The following DCC variants were observed in gnomAD, a reference collection of about 807,000 sequenced individuals.
The protein encoded by DCC is netrin receptor DCC.
DCC carries 58 observed loss-of-function variants against 172.5 expected under a neutral mutation model. The observed-to-expected ratio is 0.34, with a 90% CI of 0.27 to 0.42. The LOEUF (loss-of-function observed/expected upper bound fraction) is 0.42. Among genes scored for constraint, DCC ranks in the 10% least tolerant of loss-of-function variants. The pLI is 1.00. For synonymous variants in DCC, 709 were observed against 644.5 expected, an observed-to-expected ratio of 1.10 and a Z score of -1.52; for missense variants, 1,740 against 1,791.0, an observed-to-expected ratio of 0.97 and a Z score of 0.51.
intron 5 of DCC, among the ~76,000 whole-genome samples, chr18:53,047,931 GTA>G (rs2042279339): frequency 2.1e-5 from 3 of 144,234 alleles, no homozygotes; most frequent in South Asian, 4.4e-4. Context: ...GTGTGTGTGT[GTA>G]TAGTTTATGT....
chr18:52,610,161 AAAAAAAAAAAAAAAAAAATATATATATAT>A (rs1353886519), intron 1 of DCC, among the ~76,000 whole-genome samples: 9 of 15,280 alleles, frequency 5.9e-4, no homozygotes, highest in African/African-American at 2.6e-3. Flanking sequence ...TAAAAAAAAA[AAAAAAAAAAAAAAAAAAATATATATATAT>A]ATATATATAT....
intron 2 of DCC, among the ~76,000 whole-genome samples, chr18:52,845,609 T>C (rs1306361865): frequency 1.3e-5 from 2 of 152,214 alleles, no homozygotes; most frequent in African/African-American, 2.4e-5. Flanking sequence ...TCAGGGATCA[T>C]GCCCAAGTTC....
At chr18:52,722,669 A>G (rs1555652149) in intron 1 of DCC, among the ~76,000 whole-genome samples, 1 of 151,944 alleles carries the variant, frequency 6.6e-6, no homozygotes, top group Non-Finnish European at 1.5e-5. Context: ...GCATCTGTCC[A>G]TTTCTTCTTT....
At chr18:52,579,931 A>C (rs995183638) in intron 1 of DCC, among the ~76,000 whole-genome samples, 2 of 152,252 alleles carry the variant, frequency 1.3e-5, no homozygotes, top group Admixed American at 1.3e-4. Flanking sequence ...AAGAAGGGAA[A>C]ATTATGGAAA....
At chr18:52,356,657 A>C (rs1393760139) in intron 1 of DCC, among the ~76,000 whole-genome samples, 1 of 152,172 alleles carries the variant, frequency 6.6e-6, no homozygotes, top group Non-Finnish European at 1.5e-5. Context: ...TTCATCTCTC[A>C]ATACCTCTAT....
intron 5 of DCC, among the ~76,000 whole-genome samples, chr18:52,946,804 T>C (rs905506328): frequency 6.6e-5 from 10 of 152,208 alleles, no homozygotes; most frequent in African/African-American, 2.4e-4. Context: ...TTGTGATCAA[T>C]AATTTAATCC....
chr18:53,251,084 A>G (rs2056424868), intron 12 of DCC, among the ~76,000 whole-genome samples: 1 of 150,872 alleles, frequency 6.6e-6, no homozygotes, highest in African/African-American at 2.4e-5. Flanking sequence ...TTAAATGGAG[A>G]CTCCTTCGTC....
intron 1 of DCC, among the ~76,000 whole-genome samples, chr18:52,640,904 C>T (rs1342154617): frequency 6.6e-6 from 1 of 151,746 alleles, no homozygotes; most frequent in African/African-American, 2.4e-5. Flanking sequence ...GCCCACATAG[C>T]CAAAGCAACA....
intron 2 of DCC, among the ~76,000 whole-genome samples, chr18:52,877,256 T>G (rs1195158576): frequency 6.6e-6 from 1 of 152,132 alleles, no homozygotes; most frequent in African/African-American, 2.4e-5. Flanking sequence ...AAACACCTAT[T>G]ACAAGCCCGT....
At chr18:52,979,899 C>A (rs536932053) in intron 5 of DCC, among the ~76,000 whole-genome samples, 1 of 152,156 alleles carries the variant, frequency 6.6e-6, no homozygotes, top group Non-Finnish European at 1.5e-5. Context: ...ACTTAACAGG[C>A]GGAGTGGTTG....
intron 1 of DCC, among the ~76,000 whole-genome samples, chr18:52,511,982 C>T (rs527455503): frequency 4.6e-5 from 7 of 152,204 alleles, no homozygotes; most frequent in African/African-American, 1.7e-4. Context: ...ATGTGTAAAG[C>T]CTGCCTTTCC....
chr18:52,347,671 G>T (rs1983937288), intron 1 of DCC, among the ~76,000 whole-genome samples: 1 of 152,078 alleles, frequency 6.6e-6, no homozygotes, highest in Admixed American at 6.6e-5. Context: ...TAGGAGAGGA[G>T]ATTAGAAAAC....
At chr18:52,668,080 C>T (rs1440461190) in intron 1 of DCC, among the ~76,000 whole-genome samples, 1 of 151,516 alleles carries the variant, frequency 6.6e-6, no homozygotes, top group African/African-American at 2.4e-5. Flanking sequence ...GTGAGTCTGT[C>T]AAAGCAGGAG....
chr18:53,055,847 G>A (rs113155147), intron 5 of DCC, among the ~76,000 whole-genome samples: 2,068 of 152,128 alleles, frequency 0.014, 34 homozygotes, highest in African/African-American at 0.046. Flanking sequence ...AAAAAAGAGG[G>A]GAAGGAAGGA....
intron 8 of DCC, among the ~76,000 whole-genome samples, chr18:53,158,628 T>C (rs1477919830): frequency 2.0e-5 from 3 of 151,068 alleles, no homozygotes; most frequent in African/African-American, 7.4e-5. Flanking sequence ...TCCTTTGTAG[T>C]TGGCAGCAAG....
At chr18:53,379,659 AC>A in intron 15 of DCC, among the ~76,000 whole-genome samples, 1 of 152,322 alleles carries the variant, frequency 6.6e-6, no homozygotes, top group Admixed American at 6.5e-5. Context: ...TCTGTGATCA[AC>A]GAATGTGCAT....
intron 1 of DCC, among the ~76,000 whole-genome samples, chr18:52,734,075 AAGT>A (rs561599307): frequency 0.013 from 1,921 of 152,272 alleles, 52 homozygotes; most frequent in African/African-American, 0.044. Flanking sequence ...AAAGAGTAAT[AAGT>A]AGGTGACCAT....
intron 1 of DCC, among the ~76,000 whole-genome samples, chr18:52,444,938 C>A (rs1041075814): frequency 6.6e-6 from 1 of 152,118 alleles, no homozygotes; most frequent in East Asian, 1.9e-4. Flanking sequence ...CTATATAATT[C>A]AAAAATCATG....
chr18:52,500,544 G>A (rs1198530958), intron 1 of DCC, among the ~76,000 whole-genome samples: 2 of 152,026 alleles, frequency 1.3e-5, no homozygotes, highest in African/African-American at 4.8e-5. Flanking sequence ...AATTATTTTG[G>A]CGCTAATAAG....
Sources: gnomAD v4.1 joint callset for allele counts (sites outside exome capture counted in the v4.1 genomes callset) on GRCh38, gnomAD v4.1.1 for gene constraint, MANE v1.5 for transcripts, NCBI Gene and HGNC (gene_info 2026-07-23, HGNC 2026-07-21) for gene names.